The following NAV2 variants were observed in gnomAD, a reference collection of about 807,000 sequenced individuals.
NAV2 encodes helicase, APC down-regulated 1.
A neutral mutation model predicts 223.2 loss-of-function variants in NAV2; 54 were observed. That is an observed-to-expected ratio of 0.24 (90% CI 0.19 to 0.30). The LOEUF is 0.30. Among genes scored for constraint, NAV2 ranks in the 10% least tolerant of loss-of-function variants. The pLI is 1.00. For synonymous variants in NAV2, 1,279 were observed against 1,239.3 expected, an observed-to-expected ratio of 1.03 and a Z score of -0.67; for missense variants, 2,806 against 3,147.5, an observed-to-expected ratio of 0.89 and a Z score of 2.60.
At chr11:19,956,454 T>C (rs1392712611) in intron 10 of NAV2, among the ~76,000 whole-genome samples, 2 of 151,876 alleles carry the variant, frequency 1.3e-5, no homozygotes, top group African/African-American at 4.8e-5. Flanking sequence ...GGTCCCAAGG[T>C]TACCCACACT....
intron 1 of NAV2, among the ~76,000 whole-genome samples, chr11:19,351,291 A>C (rs1222539163): frequency 6.6e-6 from 1 of 152,220 alleles, no homozygotes; most frequent in Non-Finnish European, 1.5e-5. Flanking sequence ...TGAGGGAGTT[A>C]ACAAAAAATG....
At chr11:19,485,904 T>C (rs1403386952) in intron 1 of NAV2, among the ~76,000 whole-genome samples, 1 of 152,098 alleles carries the variant, frequency 6.6e-6, no homozygotes, top group Non-Finnish European at 1.5e-5. Context: ...TATTACAGTA[T>C]ACAGGGAAAG....
intron 1 of NAV2, among the ~76,000 whole-genome samples, chr11:19,773,037 C>T (rs56273465): frequency 0.024 from 3,612 of 152,316 alleles, 162 homozygotes; most frequent in African/African-American, 0.083. Flanking sequence ...ATGAGTAGCT[C>T]TTGCTCAAGG....
chr11:19,814,464 G>A (rs993131193), intron 1 of NAV2, among the ~76,000 whole-genome samples: 7 of 152,138 alleles, frequency 4.6e-5, no homozygotes, highest in Non-Finnish European at 1.0e-4. Context: ...ACTTGCTGCC[G>A]AGAATCCATT....
At chr11:19,827,562 A>G (rs1279895697) in intron 1 of NAV2, among the ~76,000 whole-genome samples, 1 of 152,224 alleles carries the variant, frequency 6.6e-6, no homozygotes, top group Non-Finnish European at 1.5e-5. Context: ...CCCAGGGCCA[A>G]GGGCCAGCTT....
chr11:19,481,720 A>G (rs945803349), intron 1 of NAV2, among the ~76,000 whole-genome samples: 3 of 152,246 alleles, frequency 2.0e-5, no homozygotes, highest in African/African-American at 7.2e-5. Flanking sequence ...ATTGTTAAAC[A>G]TTCCATGCTG....
chr11:19,870,077 ACT>A (rs573302311), intron 4 of NAV2, among the ~76,000 whole-genome samples: 1 of 152,008 alleles, frequency 6.6e-6, no homozygotes, highest in Admixed American at 6.6e-5. Context: ...TCAGTTAATA[ACT>A]CTGATGTGCT....
chr11:19,680,775 T>C (rs75420257), intron 1 of NAV2, among the ~76,000 whole-genome samples: 8,091 of 152,140 alleles, frequency 0.053, 670 homozygotes, highest in African/African-American at 0.17. Flanking sequence ...ATTCCAGAAG[T>C]GGTAATTATT....
intron 8 of NAV2, among the ~76,000 whole-genome samples, chr11:19,940,514 G>C (rs181084500): frequency 2.6e-5 from 4 of 152,310 alleles, no homozygotes; most frequent in Admixed American, 2.6e-4. Context: ...AGCTCCAGCA[G>C]CTTCTAGTCA....
In NAV2 at chr11:19,892,538, A is replaced by C. The variant is rs775073404; in HGVS notation, c.875A>C (p.Tyr292Ser). Residue 292 changes from tyrosine to serine, a missense_variant, in exon 6 of 38, where the codon TAT becomes TCT. Tyr to Ser is a moderately radical substitution (Grantham distance 144). Transcript: ENST00000349880. ...NNRRSQSFNN[Y>S]DKSKPVTSPP... ...CGACGCAGCCAGAGCTTTAACAACT[A>C]TGATAAATCCAAACCAGTCACCTCC... 1.6e-5 allele frequency: 26 copies of C among 1,614,090 alleles called. No individual in the cohort carries two copies. Among genetic ancestry groups the C allele is most frequent in the Non-Finnish European group, 2.1e-5 (25 of 1,180,034 alleles).
Position 19,608,558 on chromosome 11 carries a change from T to G in NAV2, c.76-223926T>G, listed in dbSNP as rs145720848. Among the ~76,000 whole-genome samples the G allele has an allele frequency of 1.6e-3, 238 of 152,388 alleles. 3 individuals are homozygous for G. The East Asian group carries it at 0.03, about 19-fold the overall frequency. The stretch of plus-strand genomic sequence containing the variant: ...ATTTATTTTGTGGAAACTTGTCCTG[T>G]GTCAACCATGATCTGGAGGAGAAAA... On this transcript the variant is annotated intron_variant, in intron 1 of 37. Coordinates refer to the NAV2 transcript ENST00000360655.
chr11:19,564,973 A>T (rs2045222065), intron 1 of NAV2, among the ~76,000 whole-genome samples: 1 of 152,156 alleles, frequency 6.6e-6, no homozygotes, highest in Non-Finnish European at 1.5e-5. Context: ...TACCTCTACT[A>T]AAAAATACAA....
At chr11:19,380,513 C>T (rs1281291185) in intron 1 of NAV2, 6 of 152,356 alleles carry the variant, frequency 3.9e-5, no homozygotes, top group African/African-American at 1.4e-4. Context: ...GAAGAGCTCC[C>T]ATCTCCGGGG....
chr11:19,454,330 G>A (rs1206480078), intron 1 of NAV2, among the ~76,000 whole-genome samples: 1 of 152,208 alleles, frequency 6.6e-6, no homozygotes, highest in Non-Finnish European at 1.5e-5. Flanking sequence ...GCTGCAAATA[G>A]CTGCCTCAAT....
intron 1 of NAV2, among the ~76,000 whole-genome samples, chr11:19,527,797 G>C (rs371021932): frequency 6.6e-6 from 1 of 152,102 alleles, no homozygotes; most frequent in Non-Finnish European, 1.5e-5. Context: ...CTCTTGATTT[G>C]CATCTGGGGT....
Position 19,776,609 on chromosome 11 carries a change from G to GTGTGTGTGTGTGT in NAV2, c.268-55874_268-55873insGTGTGTGTGTGTT, listed in dbSNP as rs1565295714. On this transcript the variant is annotated intron_variant, in intron 1 of 37. Coordinates refer to ENST00000349880, the MANE Select transcript of NAV2 (RefSeq NM_145117.5). The stretch of plus-strand genomic sequence containing the variant: ...GTGTGTGTGTGTGTGTGTGTGTGTG[G>GTGTGTGTGTGTGT]TTAGAGTTGTGGGGGTCAGAAAATG... Among the ~76,000 whole-genome samples the GTGTGTGTGTGTGT allele has an allele frequency of 5.8e-3, 402 of 69,668 alleles. 10 individuals carry two copies. The highest frequency in any genetic ancestry group is 0.025 in the African/African-American group (393 of 15,978). 45.7% of individuals were successfully genotyped at this position (69,668 alleles called of 152,430 possible).
At chr11:19,868,520 C>G (rs1590973461) in intron 3 of NAV2, among the ~76,000 whole-genome samples, 4 of 152,206 alleles carry the variant, frequency 2.6e-5, no homozygotes, top group African/African-American at 9.7e-5. Context: ...CTCCCATTCA[C>G]TGTTGGTACA....
intron 1 of NAV2, among the ~76,000 whole-genome samples, chr11:19,601,026 A>C (rs2046337203): frequency 6.6e-6 from 1 of 152,220 alleles, no homozygotes; most frequent in African/African-American, 2.4e-5. Flanking sequence ...TTGGAACAGC[A>C]GATACAGTCT....
At chr11:19,445,929 C>T (rs1049224270) in intron 1 of NAV2, among the ~76,000 whole-genome samples, 7 of 152,048 alleles carry the variant, frequency 4.6e-5, no homozygotes, top group African/African-American at 9.7e-5. Context: ...AGGCAGAAAG[C>T]GAGATTAAGT....
Sources: gnomAD v4.1 joint callset for allele counts (sites outside exome capture counted in the v4.1 genomes callset) on GRCh38, gnomAD v4.1.1 for gene constraint, MANE v1.5 for transcripts, NCBI Gene and HGNC (gene_info 2026-07-23, HGNC 2026-07-21) for gene names.